NLGN1: variants seen among roughly 807,000 people sequenced by gnomAD.
NLGN1 encodes the protein neuroligin 1.
A neutral mutation model predicts 65.5 loss-of-function variants in NLGN1; 12 were observed. The ratio of observed to expected loss-of-function variants is 0.18; its 90% CI spans 0.12 to 0.30. The LOEUF (loss-of-function observed/expected upper bound fraction) is 0.30, where lower values mean the gene tolerates loss of function less well. Among genes scored for constraint, NLGN1 ranks in the 10% least tolerant of loss-of-function variants. The pLI is 1.00. For missense variants in NLGN1, 750 were observed against 1,007.1 expected, an observed-to-expected ratio of 0.74 and a Z score of 3.46; for synonymous variants, 350 against 359.5, an observed-to-expected ratio of 0.97 and a Z score of 0.30.
rs375461738 is a variant in NLGN1, at chr3:173,699,178, A to G, written c.493+94087A>G. The stretch of plus-strand genomic sequence containing the variant: ...GCTCAAGAAGTTTTAAAAAACAAAA[A>G]TCTAGGACCTCATCTACCCCTCAAT... On this transcript the variant is annotated intron_variant, in intron 3 of 6. Coordinates refer to ENST00000457714, the Ensembl canonical transcript of NLGN1. 2.6e-5 allele frequency among the ~76,000 whole-genome samples: 4 copies of G among 152,248 alleles called. No homozygotes were observed. The South Asian group carries it at 6.2e-4, about 24-fold the overall frequency.
At chr3:173,431,697 T>C (rs1299577701) in intron 1 of NLGN1, among the ~76,000 whole-genome samples, 5 of 152,190 alleles carry the variant, frequency 3.3e-5, no homozygotes, top group Admixed American at 2.0e-4. Context: ...TACATTGTTA[T>C]GAAGAGTGAA....
At chr3:173,773,970 C>A (rs1158654620) in intron 3 of NLGN1, among the ~76,000 whole-genome samples, 3 of 152,154 alleles carry the variant, frequency 2.0e-5, no homozygotes, top group African/African-American at 7.2e-5. Context: ...GACAAAGTAG[C>A]ACACCCGAAG....
chr3:174,034,319 T>TA (rs35334497), intron 4 of NLGN1, among the ~76,000 whole-genome samples: 31,600 of 151,612 alleles, frequency 0.21, 3,612 homozygotes, highest in East Asian at 0.34. Flanking sequence ...TAAGAAATGT[T>TA]AAAAAAAAAT....
chr3:174,031,880 G>A (rs1730109022), intron 4 of NLGN1, among the ~76,000 whole-genome samples: 2 of 151,886 alleles, frequency 1.3e-5, no homozygotes, highest in African/African-American at 4.8e-5. Flanking sequence ...CCTACATTGT[G>A]TAATTTTAGA....
chr3:173,638,402 C>G (rs1276586515), intron 3 of NLGN1, among the ~76,000 whole-genome samples: 1 of 150,060 alleles, frequency 6.7e-6, no homozygotes, highest in Non-Finnish European at 1.5e-5. Context: ...AAAAAAAACC[C>G]AATAAATTTG....
At chr3:173,984,579 C>A (rs918982366) in intron 4 of NLGN1, among the ~76,000 whole-genome samples, 62 of 152,126 alleles carry the variant, frequency 4.1e-4, no homozygotes, top group Admixed American at 5.9e-4. Context: ...TAACAAACTT[C>A]CAGGAAATAA....
At chr3:173,592,162 G>C (rs1049003013) in intron 2 of NLGN1, among the ~76,000 whole-genome samples, 2 of 152,110 alleles carry the variant, frequency 1.3e-5, no homozygotes, top group African/African-American at 4.8e-5. Flanking sequence ...TTCCTAAGTA[G>C]ATTCTAGATT....
At chr3:173,938,378 T>G (rs904288480) in intron 4 of NLGN1, among the ~76,000 whole-genome samples, 1 of 152,098 alleles carries the variant, frequency 6.6e-6, no homozygotes, top group Non-Finnish European at 1.5e-5. Flanking sequence ...TGATGCTGAG[T>G]ACTGAAGCAT....
chr3:173,864,930 G>A (rs919106215), intron 4 of NLGN1, among the ~76,000 whole-genome samples: 11 of 152,230 alleles, frequency 7.2e-5, no homozygotes, highest in Admixed American at 5.2e-4. Context: ...GGAAAAATAC[G>A]GTTTTGATGG....
intron 4 of NLGN1, among the ~76,000 whole-genome samples, chr3:174,086,899 T>C (rs1423882739): frequency 2.0e-5 from 3 of 152,188 alleles, no homozygotes; most frequent in Admixed American, 2.0e-4. Context: ...TTCAGAATCT[T>C]TTAGCATCCA....
At chr3:174,089,184 A>G (rs1744036649) in intron 4 of NLGN1, among the ~76,000 whole-genome samples, 1 of 152,192 alleles carries the variant, frequency 6.6e-6, no homozygotes, top group Admixed American at 6.5e-5. Flanking sequence ...ATACAGTTCT[A>G]GGGACGGGAG....
At chr3:174,069,569 A>G (rs1328092738) in intron 4 of NLGN1, among the ~76,000 whole-genome samples, 1 of 152,160 alleles carries the variant, frequency 6.6e-6, no homozygotes, top group Non-Finnish European at 1.5e-5. Flanking sequence ...TTCAAAGCAA[A>G]TGAACACTTT....
intron 3 of NLGN1, among the ~76,000 whole-genome samples, chr3:173,622,492 T>C (rs998388278): frequency 6.6e-6 from 1 of 151,804 alleles, no homozygotes; most frequent in African/African-American, 2.4e-5. Context: ...GGCAAGGACA[T>C]CTGGAAAGAT....
At chr3:173,491,264 G>A (rs931707756) in intron 2 of NLGN1, among the ~76,000 whole-genome samples, 8 of 151,738 alleles carry the variant, frequency 5.3e-5, no homozygotes, top group South Asian at 2.1e-4. Flanking sequence ...TTTGAGATAC[G>A]TCCCATCAAT....
At chr3:173,647,714 AAAG>A (rs2149621396) in intron 3 of NLGN1, among the ~76,000 whole-genome samples, 2 of 152,242 alleles carry the variant, frequency 1.3e-5, no homozygotes, top group East Asian at 3.9e-4. Context: ...CTATATTAGA[AAAG>A]AAGGAAGGTC....
In NLGN1 at chr3:174,279,824, T is replaced by C. The variant is rs1452687138; in HGVS notation, c.1649+174T>C. Among the ~76,000 whole-genome samples the C allele has an allele frequency of 6.6e-6, 1 of 152,018 alleles. No homozygotes were observed. Among genetic ancestry groups the C allele is most frequent in the East Asian group, 1.9e-4 (1 of 5,154 alleles). ...GGTGTTTTTAAAAGTCATTGCTTTA[T>C]TATTTCTGGTGTTTTAGAAGCTTGT... On this transcript the variant is annotated intron_variant, in intron 6 of 6. Coordinates refer to ENST00000457714, the Ensembl canonical transcript of NLGN1. This position sits in a 1 kb window ranked among gnomAD's most constrained non-coding sequence, Gnocchi z 4.7.
At position 173,712,360 on chromosome 3, in the gene NLGN1, A is replaced by G. The variant is rs1416602984; in HGVS notation, c.494-95320A>G. ...TAAATCCATGTCTGTTTAACTTCCA[A>G]CCCTAAGGTAGCCAGTCTTTGTTAG... is the stretch of plus-strand genomic sequence containing the variant. On this transcript the variant is annotated intron_variant, in intron 3 of 6. Coordinates refer to ENST00000457714, the Ensembl canonical transcript of NLGN1. Among the ~76,000 whole-genome samples the G allele has an allele frequency of 3.9e-5, 6 of 152,152 alleles. No homozygotes were observed. In the East Asian group the frequency reaches 5.8e-4, roughly 15 times the overall value.
chr3:173,817,976 T>G (rs971197671), intron 4 of NLGN1, among the ~76,000 whole-genome samples: 5 of 152,204 alleles, frequency 3.3e-5, no homozygotes, highest in African/African-American at 1.2e-4. Flanking sequence ...AAAGCATTCT[T>G]CTAGGACTAG....
chr3:174,274,647 A>G (rs533278531), intron 4 of NLGN1, among the ~76,000 whole-genome samples: 242 of 111,916 alleles, frequency 2.2e-3, no homozygotes, highest in African/African-American at 8.7e-3. Context: ...ATTCTACACC[A>G]TTTCCTAATT....
Sources: allele counts gnomAD v4.1 joint callset (sites outside exome capture counted in the v4.1 genomes callset), GRCh38; gene constraint gnomAD v4.1.1; non-coding constraint Gnocchi (gnomAD v3.1); transcripts MANE v1.5; gene names NCBI Gene and HGNC (gene_info 2026-07-23, HGNC 2026-07-21).